Variants in NELL1 observed in about 807,000 individuals in gnomAD.
The protein encoded by NELL1 is neural EGFL like 1.
NELL1 carries 76 observed loss-of-function variants against 107.4 expected under a neutral mutation model. The ratio of observed to expected loss-of-function variants is 0.71; its 90% CI spans 0.59 to 0.86. NELL1 has a LOEUF of 0.86. Ranked by LOEUF, NELL1 falls within the 40% of genes least tolerant of loss-of-function variation. The pLI, the probability that NELL1 is intolerant of heterozygous loss-of-function variation, is 0.00. For missense variants in NELL1, 1,024 were observed against 1,005.5 expected (o/e 1.02, Z -0.25); for synonymous variants, 353 against 341.2 (o/e 1.03, Z -0.38).
intron 2 of NELL1, among the ~76,000 whole-genome samples, chr11:20,719,986 G>A (rs1017509199): frequency 1.3e-5 from 2 of 152,116 alleles, no homozygotes; most frequent in Non-Finnish European, 2.9e-5. Context: ...ACAATGGGTG[G>A]GACATCTATT....
At chr11:20,750,959 T>C (rs1856120069) in intron 2 of NELL1, among the ~76,000 whole-genome samples, 1 of 152,176 alleles carries the variant, frequency 6.6e-6, no homozygotes, top group South Asian at 2.1e-4. Context: ...TCCCCAGATG[T>C]TCTGGCACTA....
intron 3 of NELL1, among the ~76,000 whole-genome samples, chr11:20,831,198 T>C (rs1324948594): frequency 6.6e-6 from 1 of 152,208 alleles, no homozygotes; most frequent in Non-Finnish European, 1.5e-5. Flanking sequence ...CCTGCACATC[T>C]TAACAATCGT....
At chr11:21,427,417 A>AT (rs1852850056) in intron 15 of NELL1, among the ~76,000 whole-genome samples, 1 of 152,176 alleles carries the variant, frequency 6.6e-6, no homozygotes. Context: ...AATAATCCAG[A>AT]TTTTTTACAG....
chr11:20,962,178 A>G (rs969683657), intron 12 of NELL1, among the ~76,000 whole-genome samples: 86 of 151,944 alleles, frequency 5.7e-4, no homozygotes, highest in Non-Finnish European at 1.1e-3. Flanking sequence ...AATACATCTT[A>G]GTTATTTGTT....
At chr11:20,905,498 T>G (rs1357642007) in intron 5 of NELL1, among the ~76,000 whole-genome samples, 2 of 152,132 alleles carry the variant, frequency 1.3e-5, no homozygotes, top group African/African-American at 4.8e-5. Flanking sequence ...GTCTCTAATG[T>G]GCTTAAAGAG....
At chr11:21,029,321 C>G (rs1277411292) in intron 12 of NELL1, among the ~76,000 whole-genome samples, 2 of 152,184 alleles carry the variant, frequency 1.3e-5, no homozygotes, top group Non-Finnish European at 2.9e-5. Context: ...TTAAACGTCA[C>G]ATTACAACGT....
At chr11:21,079,074 A>G (rs1451777565) in intron 12 of NELL1, among the ~76,000 whole-genome samples, 1 of 151,968 alleles carries the variant, frequency 6.6e-6, no homozygotes, top group African/African-American at 2.4e-5. Flanking sequence ...GCAAATGTAA[A>G]GCAATTCTGA....
chr11:21,136,713 A>G (rs1388346435), intron 13 of NELL1, among the ~76,000 whole-genome samples: 1 of 152,226 alleles, frequency 6.6e-6, no homozygotes, highest in African/African-American at 2.4e-5. Context: ...GTTTGGAGCA[A>G]TTTAAAAAGA....
chr11:21,241,208 T>C (rs1858349607), intron 14 of NELL1, among the ~76,000 whole-genome samples: 1 of 152,124 alleles, frequency 6.6e-6, no homozygotes, highest in African/African-American at 2.4e-5. Flanking sequence ...AAATATTTCA[T>C]TGTCAATATG....
At chr11:21,546,089 G>GT (rs1349876920) in intron 16 of NELL1, among the ~76,000 whole-genome samples, 1 of 151,970 alleles carries the variant, frequency 6.6e-6, no homozygotes, top group Non-Finnish European at 1.5e-5. Context: ...TGGAACCATA[G>GT]TTTTTCCTGG....
chr11:21,147,301 T>A (rs1384810628), intron 13 of NELL1, among the ~76,000 whole-genome samples: 3 of 152,168 alleles, frequency 2.0e-5, no homozygotes, highest in African/African-American at 7.2e-5. Flanking sequence ...TAAGGAACAT[T>A]TTGAATCTCT....
At chr11:21,380,831 A>C (rs1851589894) in intron 15 of NELL1, among the ~76,000 whole-genome samples, 1 of 152,074 alleles carries the variant, frequency 6.6e-6, no homozygotes, top group Non-Finnish European at 1.5e-5. Context: ...TGGACGAGAA[A>C]ATAAAGATGC....
chr11:20,896,049 T>C (rs1388974766), intron 5 of NELL1, among the ~76,000 whole-genome samples: 3 of 152,170 alleles, frequency 2.0e-5, no homozygotes, highest in African/African-American at 4.8e-5. Context: ...ATAAATTCTT[T>C]AGTGGTGATT....
At chr11:21,560,148 C>T (rs979413602) in intron 16 of NELL1, 41 bp from the exon 17 acceptor site, 10 of 1,584,938 alleles carry the variant, frequency 6.3e-6, no homozygotes, top group Non-Finnish European at 6.9e-6. Flanking sequence ...CTCTAAGTTC[C>T]CTTGGCTAGA....
At chr11:21,558,398 TAA>T (rs1856771781) in intron 16 of NELL1, among the ~76,000 whole-genome samples, 1 of 146,302 alleles carries the variant, frequency 6.8e-6, no homozygotes, top group Admixed American at 6.9e-5. Flanking sequence ...TCAAGCTACA[TAA>T]TATATATATA....
chr11:21,531,235 G>A (rs1258874018), intron 15 of NELL1, among the ~76,000 whole-genome samples: 2 of 151,990 alleles, frequency 1.3e-5, no homozygotes, highest in African/African-American at 4.8e-5. Flanking sequence ...GATTTTTGGA[G>A]TCATGTTTCA....
intron 15 of NELL1, among the ~76,000 whole-genome samples, chr11:21,513,100 C>G (rs115477685): frequency 0.02 from 3,008 of 152,236 alleles, 99 homozygotes; most frequent in African/African-American, 0.068. Flanking sequence ...CCCCAGGCAG[C>G]CCTACTGAAG....
At chr11:20,817,713 T>G (rs546361493) in intron 3 of NELL1, among the ~76,000 whole-genome samples, 10 of 151,938 alleles carry the variant, frequency 6.6e-5, no homozygotes, top group Non-Finnish European at 1.0e-4. Context: ...TTTCTATTCC[T>G]CTAGCTGTTA....
At chr11:21,192,501 A>G (rs1445762995) in intron 13 of NELL1, among the ~76,000 whole-genome samples, 3 of 151,912 alleles carry the variant, frequency 2.0e-5, no homozygotes, top group Non-Finnish European at 4.4e-5. Flanking sequence ...TGTGTATGCA[A>G]TGAAAAGTGA....
Sources: allele counts gnomAD v4.1 joint callset (sites outside exome capture counted in the v4.1 genomes callset), GRCh38; gene constraint gnomAD v4.1.1; transcripts MANE v1.5; gene names NCBI Gene and HGNC (gene_info 2026-07-23, HGNC 2026-07-21).